Variants in TRPC5 observed in about 807,000 individuals in gnomAD.
The protein encoded by TRPC5 is transient receptor potential cation channel subfamily C member 5.
TRPC5 carries 9 observed loss-of-function variants against 56.5 expected under a neutral mutation model. That is an observed-to-expected ratio of 0.16 (90% CI 0.10 to 0.28). TRPC5 has a LOEUF of 0.28. Among genes scored for constraint, TRPC5 ranks in the 10% least tolerant of loss-of-function variants. The pLI is 1.00. For synonymous variants in TRPC5, 282 were observed against 278.5 expected (o/e 1.01, Z -0.13); for missense variants, 469 against 748.9 (o/e 0.63, Z 4.36).
Position 111,772,987 on chromosome X carries a change from C to A in TRPC5, c.*3326G>T, listed in dbSNP as rs1233972603. ...GCACTGCCATAAGAACTATAAAGTT[C>A]TTTTTGGAAAAGGTATTAAGTCATT... is the stretch of plus-strand genomic sequence containing the variant. On this transcript the variant is annotated 3_prime_UTR_variant, in exon 11 of 11. Transcript: ENST00000262839. 1.8e-5 allele frequency among the ~76,000 whole-genome samples: 2 copies of A among 111,727 alleles called. No individual in the cohort carries two copies. The highest frequency in any genetic ancestry group is 6.5e-5 in the African/African-American group (2 of 30,755).
chrX:111,853,621 T>G (rs770729711), intron 4 of TRPC5, 149 bp downstream of exon 4: 78 of 509,752 alleles, frequency 1.5e-4, no homozygotes, highest in Non-Finnish European at 2.2e-4. Context: ...GAACTACATT[T>G]CTGAGACTCT....
chrX:111,950,865 T>G (rs954294895), intron 2 of TRPC5, among the ~76,000 whole-genome samples: 12 of 112,197 alleles, frequency 1.1e-4, no homozygotes, highest in Middle Eastern at 4.6e-3. Flanking sequence ...TGTGTATGGT[T>G]TCCATGTCCA....
chrX:112,023,693 G>T (rs998500037), intron 1 of TRPC5, among the ~76,000 whole-genome samples: 2 of 111,363 alleles, frequency 1.8e-5, no homozygotes, highest in African/African-American at 6.5e-5. Flanking sequence ...ATCTGCAATT[G>T]CCATGAACTT....
At chrX:112,080,391 TACATACACACAC>T (rs1290857581) in intron 1 of TRPC5, among the ~76,000 whole-genome samples, 21 of 82,015 alleles carry the variant, frequency 2.6e-4, no homozygotes, top group African/African-American at 9.6e-4. Context: ...CTTGAAAAAC[TACATACACACAC>T]ACACACACAC....
chrX:112,016,667 C>G (rs1215154629), intron 1 of TRPC5, among the ~76,000 whole-genome samples: 1 of 111,679 alleles, frequency 9.0e-6, no homozygotes, highest in Non-Finnish European at 1.9e-5. Context: ...CATGTATTTC[C>G]CAGAGCCTTA....
chrX:112,042,028 A>C (rs745665916), intron 1 of TRPC5, among the ~76,000 whole-genome samples: 1 of 112,181 alleles, frequency 8.9e-6, no homozygotes, highest in East Asian at 2.8e-4. Flanking sequence ...AAATCAAATA[A>C]AACAAGCTTA....
At chrX:111,935,572 A>G (rs1926546653) in intron 2 of TRPC5, among the ~76,000 whole-genome samples, 4 of 111,633 alleles carry the variant, frequency 3.6e-5, no homozygotes, top group Admixed American at 2.9e-4. Flanking sequence ...AGTTTTCCCA[A>G]TGTTTTTTCA....
At chrX:112,035,062 T>C (rs190114771) in intron 1 of TRPC5, among the ~76,000 whole-genome samples, 30 of 104,545 alleles carry the variant, frequency 2.9e-4, no homozygotes, top group African/African-American at 9.7e-4. Context: ...GTGACGCTGT[T>C]GATTTGAAGT....
chrX:112,045,036 G>T (rs775762385), intron 1 of TRPC5, among the ~76,000 whole-genome samples: 4 of 112,280 alleles, frequency 3.6e-5, no homozygotes, highest in Non-Finnish European at 7.5e-5. Context: ...CGTCACAAGG[G>T]TGGTATAATT....
chrX:111,932,011 T>C (rs1331378382), intron 2 of TRPC5, among the ~76,000 whole-genome samples: 1 of 111,568 alleles, frequency 9.0e-6, no homozygotes, highest in Non-Finnish European at 1.9e-5. Flanking sequence ...TAGCTGAAAG[T>C]TACAAAATAA....
chrX:111,781,025 C>A (rs989646148), intron 9 of TRPC5, 140 bp downstream of exon 9: 1 of 611,603 alleles, frequency 1.6e-6, no homozygotes, highest in Non-Finnish European at 2.8e-6. Context: ...GTACTTCAGC[C>A]CTTGATAAAT....
In TRPC5 at chrX:111,781,924, A is replaced by C. The variant is rs771369055; in HGVS notation, c.2100+11T>G. On this transcript the variant is annotated intron_variant, in intron 8 of 10. Coordinates refer to ENST00000262839, the MANE Select transcript of TRPC5 (RefSeq NM_012471.3). ...TTTTAAAAATTAAGTTTTCAAAATT[A>C]AAAGTCTTACTGTGAAACTTCTCAA... is the stretch of plus-strand genomic sequence containing the variant. 1 of 1,166,444 alleles carries C rather than the reference A, an allele frequency of 8.6e-7. No individual in the cohort carries two copies. Among genetic ancestry groups the C allele is most frequent in the Non-Finnish European group, 1.1e-6 (1 of 872,300 alleles).
chrX:111,888,689 A>G (rs1266851809), intron 3 of TRPC5, among the ~76,000 whole-genome samples: 3 of 73,667 alleles, frequency 4.1e-5, no homozygotes, highest in South Asian at 7.8e-4. Context: ...GCGAGACTCT[A>G]TCTCAAAAAA....
At chrX:111,918,099 G>C (rs1466835616) in intron 2 of TRPC5, among the ~76,000 whole-genome samples, 1 of 111,235 alleles carries the variant, frequency 9.0e-6, no homozygotes, top group Non-Finnish European at 1.9e-5. Flanking sequence ...CTTGTGGGTA[G>C]ATCAGGGTGC....
chrX:111,875,555 G>A (rs1603068103), intron 3 of TRPC5, among the ~76,000 whole-genome samples: 1 of 86,770 alleles, frequency 1.2e-5, no homozygotes, highest in Admixed American at 1.2e-4. Context: ...GTTCTGTGAT[G>A]TTTTTCTTTT....
At chrX:111,986,831 G>A (rs1396925223) in intron 1 of TRPC5, among the ~76,000 whole-genome samples, 1 of 111,495 alleles carries the variant, frequency 9.0e-6, no homozygotes, top group Non-Finnish European at 1.9e-5. Context: ...CCAGTTTCAG[G>A]TTGAAACTCT....
intron 1 of TRPC5, among the ~76,000 whole-genome samples, chrX:112,054,425 A>T (rs1930291004): frequency 9.0e-6 from 1 of 111,228 alleles, no homozygotes; most frequent in South Asian, 3.9e-4. Context: ...TGGACAGAGG[A>T]TGTAACTCAA....
At position 111,852,351 on chromosome X, in the gene TRPC5, T is replaced by C; in HGVS notation, c.1324A>G (p.Met442Val). 1 of 1,210,463 alleles carries C rather than the reference T, an allele frequency of 8.3e-7. No homozygotes were observed. Among genetic ancestry groups the C allele is most frequent in the Non-Finnish European group, 1.1e-6 (1 of 894,348 alleles). ...HDWWNLMDFA[M>V]NSLYLATISL... is the part of the protein sequence containing the mutation. ...ATAGTTGCCAGGTAGAGGGAGTTCA[T>C]TGCAAAATCCATCAGGTTCCACCAG... The change falls in exon 5 of 11, where the codon ATG becomes GTG. Residue 442 changes from methionine (M) to valine (V), a missense_variant. Met to Val is a conservative substitution (Grantham distance 21, BLOSUM62 1). Around this residue, in one of 3 missense-constraint regions of TRPC5, gnomAD observed 157 missense variants for 360.0 expected, o/e 0.44. Coordinates refer to ENST00000262839, the MANE Select transcript of TRPC5 (RefSeq NM_012471.3).
rs530543306 is a variant in TRPC5 at position 111,911,236 on chromosome X, C to T, written c.900+1055G>A. On this transcript the variant is annotated intron_variant, in intron 3 of 10. Transcript: ENST00000262839. The stretch of plus-strand genomic sequence containing the variant: ...TGCCAGTTGCCCTTCAGCTGGCAGG[C>T]ACCCCTCAGCTGCTTTGACTCCAGG... Among the ~76,000 whole-genome samples the T allele has an allele frequency of 1.2e-4, 14 of 112,459 alleles. No homozygotes were observed. The South Asian group carries it at 4.4e-3, about 36-fold the overall frequency.
Sources: gnomAD v4.1 joint callset for allele counts (sites outside exome capture counted in the v4.1 genomes callset) on GRCh38, gnomAD v4.1.1 for gene constraint, gnomAD v4.1.1 regional missense constraint, MANE v1.5 for transcripts, NCBI Gene and HGNC (gene_info 2026-07-23, HGNC 2026-07-21) for gene names.